BBIP1: variants seen among roughly 807,000 people sequenced by gnomAD.
BBIP1 encodes the protein BBSome interacting protein 1.
In BBIP1, 6 loss-of-function variants were observed where a neutral mutation model predicts 8.9. The ratio of observed to expected loss-of-function variants is 0.67; its 90% CI spans 0.37 to 1.33. BBIP1 has a LOEUF of 1.33. Among genes scored for constraint, BBIP1 ranks in the 40% most tolerant of loss-of-function variants. The pLI, the probability that BBIP1 is intolerant of heterozygous loss-of-function variation, is 0.02. For synonymous variants in BBIP1, 32 were observed against 33.4 expected (o/e 0.96, Z 0.14); for missense variants, 111 against 109.2 (o/e 1.02, Z -0.07).
chr10:110,901,162 ATGCC>A (rs1378071550), intron 3 of BBIP1: 1 of 450,378 alleles, frequency 2.2e-6, no homozygotes, highest in Admixed American at 2.4e-5. Context: ...ATGGTAGCAC[ATGCC>A]TGTAGTACTA....
intron 2 of BBIP1, among the ~76,000 whole-genome samples, chr10:110,917,194 ATTTTTTTTTTTTT>A (rs67066048): frequency 1.9e-5 from 2 of 107,972 alleles, no homozygotes; most frequent in Non-Finnish European, 3.6e-5. Context: ...CTGGATCCTG[ATTTTTTTTTTTTT>A]TTTTTTTTTT....
rs1846408431 is a variant in BBIP1, at chr10:110,916,619, T to C, written c.37+1502A>G. Among the ~76,000 whole-genome samples, 3 of 152,210 alleles carry C rather than the reference T, an allele frequency of 2.0e-5. No homozygotes were observed. In the South Asian group the frequency reaches 6.2e-4, roughly 31 times the overall value. On this transcript the variant is annotated intron_variant, in intron 2 of 3. Coordinates refer to ENST00000448814, the MANE Select transcript of BBIP1 (RefSeq NM_001195305.3). Reference sequence around the variant, plus strand: ...ACCAGATGGCCAACAGTTGCCTTGGTATTTGCTTTGATAACATCAAGATTC... The same window carrying C: ...ACCAGATGGCCAACAGTTGCCTTGGCATTTGCTTTGATAACATCAAGATTC...
intron 2 of BBIP1, chr10:110,902,716 C>T (rs1231731762): frequency 1.3e-5 from 2 of 152,246 alleles, no homozygotes; most frequent in Non-Finnish European, 2.9e-5. Context: ...CCTCTATCTG[C>T]TTTCCAGAAC....
intron 2 of BBIP1, chr10:110,907,698 C>T: frequency 1.4e-6 from 1 of 696,856 alleles, no homozygotes; most frequent in Non-Finnish European, 2.6e-6. Context: ...CTTGTATACC[C>T]CTCCGATTGT....
rs566907599 is a variant in BBIP1, at chr10:110,910,480, A to G, written c.37+7641T>C. The G allele has an allele frequency of 3.3e-5, 5 of 152,342 alleles. No homozygotes were observed. In the East Asian group the frequency reaches 7.7e-4, roughly 24 times the overall value. The allele number at this position is 152,342 out of a possible 1,614,324, so 9.4% of individuals were successfully genotyped here. On this transcript the variant is annotated intron_variant, in intron 2 of 3. Transcript: ENST00000448814. The stretch of plus-strand genomic sequence containing the variant: ...TTCATGTTTTGGAAACACATTCTAG[A>G]CAAAATAAAGGAAAAATGAGAAGAG...
At chr10:110,911,624 A>G (rs962660077) in intron 2 of BBIP1, 4 of 151,764 alleles carry the variant, frequency 2.6e-5, no homozygotes, top group African/African-American at 9.7e-5. Context: ...GAACGGGCAC[A>G]TGGGTAAAAT....
At chr10:110,906,721 G>T (rs898911031) in intron 2 of BBIP1, 1 of 152,084 alleles carries the variant, frequency 6.6e-6, no homozygotes, top group Non-Finnish European at 1.5e-5. Context: ...CACCATGCCC[G>T]GCTAATTTTT....
At position 110,907,621 on chromosome 10, in the gene BBIP1, GCATT is replaced by G. The variant is rs535978583; in HGVS notation, c.38-6013_38-6010del. 87 of 538,998 alleles carry G rather than the reference GCATT, an allele frequency of 1.6e-4. 1 individual carries two copies. The South Asian group carries it at 2.1e-3, about 13-fold the overall frequency. The allele number at this position is 538,998 out of a possible 1,614,324, so 33.4% of individuals were successfully genotyped here. A position where few individuals can be genotyped will look rare whatever the true frequency, so the allele number is the denominator to read the frequency against. ...CCACAGGTCCATTTTCTCAGGGAAT[GCATT>G]ATCAGCAGACACTACATATAAAAGT... On this transcript the variant is annotated intron_variant, in intron 2 of 3. Transcript: ENST00000448814.
At position 110,899,141 on chromosome 10, in the gene BBIP1, T is replaced by G. The variant is rs1845907901; in HGVS notation, c.*1219A>C. The stretch of plus-strand genomic sequence containing the variant: ...CAATTAACAATAAAGAATGATCATA[T>G]TTTTAACCTCTTTTACATAGCCTAA... On this transcript the variant is annotated 3_prime_UTR_variant, in exon 4 of 4. Coordinates refer to ENST00000448814, the MANE Select transcript of BBIP1 (RefSeq NM_001195305.3). 1 of 152,186 alleles carries G rather than the reference T, an allele frequency of 6.6e-6. No individual in the cohort carries two copies. The highest frequency in any genetic ancestry group is 2.4e-5 in the African/African-American group (1 of 41,448). The allele number at this position is 152,186 out of a possible 1,614,324, so 9.4% of individuals were successfully genotyped here. A position where few individuals can be genotyped will look rare whatever the true frequency, so the allele number is the denominator to read the frequency against.
At chr10:110,902,511 A>G (rs1846028937) in intron 2 of BBIP1, 1 of 152,182 alleles carries the variant, frequency 6.6e-6, no homozygotes, top group Non-Finnish European at 1.5e-5. Context: ...ATTATTTATA[A>G]AGTGGTGAAT....
chr10:110,902,651 T>C (rs760942226), intron 2 of BBIP1: 5 of 152,228 alleles, frequency 3.3e-5, no homozygotes, highest in Non-Finnish European at 5.9e-5. Flanking sequence ...TGTATTCAAG[T>C]CTCTTCCTCT....
intron 2 of BBIP1, chr10:110,910,987 C>G (rs1449934497): frequency 6.6e-6 from 1 of 152,186 alleles, no homozygotes; most frequent in Non-Finnish European, 1.5e-5. Context: ...AAAGAAGCAG[C>G]TGAAGTCAGA....
At chr10:110,900,944 C>CTT (rs1845982841) in intron 3 of BBIP1, 1 of 228,718 alleles carries the variant, frequency 4.4e-6, no homozygotes, top group South Asian at 4.8e-5. Context: ...TCTTTCTCCA[C>CTT]TTTCAGACCT....
At chr10:110,911,348 A>G (rs1401583666) in intron 2 of BBIP1, 3 of 152,166 alleles carry the variant, frequency 2.0e-5, no homozygotes, top group Non-Finnish European at 4.4e-5. Flanking sequence ...TATTAAAGGC[A>G]GACTTGTTTA....
intron 2 of BBIP1, among the ~76,000 whole-genome samples, chr10:110,916,468 T>G (rs528929522): frequency 2.8e-4 from 42 of 152,222 alleles, no homozygotes; most frequent in Admixed American, 2.6e-4. Flanking sequence ...AGTATAATCT[T>G]GATTTTGCAA....
chr10:110,902,554 A>T (rs573521666), intron 2 of BBIP1: 1 of 152,340 alleles, frequency 6.6e-6, no homozygotes, highest in Admixed American at 6.5e-5. Context: ...CAACCACTGC[A>T]AATTAATTAT....
chr10:110,915,946 C>T (rs141311290), intron 2 of BBIP1, among the ~76,000 whole-genome samples: 13 of 152,310 alleles, frequency 8.5e-5, no homozygotes, highest in Non-Finnish European at 1.8e-4. Context: ...TCAAGTGATA[C>T]ACCTGCCTCG....
At chr10:110,905,846 CAT>C (rs1846120111) in intron 2 of BBIP1, among the ~76,000 whole-genome samples, 1 of 152,164 alleles carries the variant, frequency 6.6e-6, no homozygotes, top group Admixed American at 6.5e-5. Flanking sequence ...CTTTTAAAAA[CAT>C]ATCCAATATA....
intron 2 of BBIP1, among the ~76,000 whole-genome samples, chr10:110,915,114 C>G (rs1485623419): frequency 1.3e-5 from 2 of 152,158 alleles, no homozygotes; most frequent in Non-Finnish European, 2.9e-5. Context: ...ACAGATTTTT[C>G]TGGAGTTCTT....
Sources: allele counts gnomAD v4.1 joint callset (sites outside exome capture counted in the v4.1 genomes callset), GRCh38; gene constraint gnomAD v4.1.1; transcripts MANE v1.5; gene names NCBI Gene and HGNC (gene_info 2026-07-23, HGNC 2026-07-21).